The following ACYP2 variants were observed in gnomAD, a reference collection of about 807,000 sequenced individuals.
ACYP2 encodes acylphosphatase 2, also known as acylphosphatase-2.
ACYP2 carries 12 observed loss-of-function variants against 11.2 expected under a neutral mutation model. That is an observed-to-expected ratio of 1.08 (90% CI 0.69 to 1.74). The LOEUF (loss-of-function observed/expected upper bound fraction) is 1.74. ACYP2 is among the 40% of genes most tolerant of loss of function. The pLI, the probability that ACYP2 is intolerant of heterozygous loss-of-function variation, is 0.00. For synonymous variants in ACYP2, 43 were observed against 32.2 expected (o/e 1.33, Z -1.13); for missense variants, 134 against 101.9 (o/e 1.31, Z -1.35).
intron 6 of ACYP2, among the ~76,000 whole-genome samples, chr2:54,201,217 T>C (rs1164002388): frequency 1.3e-5 from 2 of 152,026 alleles, no homozygotes; most frequent in Non-Finnish European, 2.9e-5. Flanking sequence ...GCCATTCTCC[T>C]GCCTCAGCTT....
chr2:53,975,562 G>C (rs538178060), intron 2 of ACYP2, among the ~76,000 whole-genome samples: 5 of 152,114 alleles, frequency 3.3e-5, no homozygotes. Flanking sequence ...GCTGGGCTGG[G>C]TGGCTCACGC....
chr2:54,161,253 T>A (rs1230526969), intron 6 of ACYP2, among the ~76,000 whole-genome samples: 1 of 152,222 alleles, frequency 6.6e-6, no homozygotes, highest in Non-Finnish European at 1.5e-5. Flanking sequence ...AGCTTTTACA[T>A]GGCAACTAAA....
chr2:54,066,514 T>TA (rs1227274643), intron 4 of ACYP2, among the ~76,000 whole-genome samples: 1 of 152,120 alleles, frequency 6.6e-6, no homozygotes, highest in African/African-American at 2.4e-5. Context: ...GAAATTGAGG[T>TA]TCACATTTAG....
intron 6 of ACYP2, among the ~76,000 whole-genome samples, chr2:54,177,527 G>A (rs770666127): frequency 2.7e-5 from 4 of 148,208 alleles, no homozygotes; most frequent in African/African-American, 5.2e-5. Context: ...CAATCACTCC[G>A]TTTGAGTATG....
chr2:54,099,356 A>G (rs373557988), intron 4 of ACYP2, among the ~76,000 whole-genome samples: 6 of 152,198 alleles, frequency 3.9e-5, no homozygotes, highest in Admixed American at 6.5e-5. Flanking sequence ...TATAGTCACC[A>G]TGCTATACCG....
chr2:54,094,309 AC>A (rs1185587773), intron 4 of ACYP2, among the ~76,000 whole-genome samples: 6 of 148,548 alleles, frequency 4.0e-5, no homozygotes, highest in African/African-American at 1.2e-4. Context: ...CTCACTGCAA[AC>A]TTCGCCTCCC....
intron 6 of ACYP2, among the ~76,000 whole-genome samples, chr2:54,206,168 C>G (rs1451561311): frequency 1.3e-5 from 2 of 152,146 alleles, no homozygotes; most frequent in African/African-American, 4.8e-5. Flanking sequence ...CTGAAACTTT[C>G]CATATTTTTG....
chr2:54,014,209 G>T (rs1673554784), intron 2 of ACYP2, among the ~76,000 whole-genome samples: 1 of 152,218 alleles, frequency 6.6e-6, no homozygotes, highest in Non-Finnish European at 1.5e-5. Context: ...GGCAGGGCAG[G>T]TTGGGGAATG....
At chr2:54,033,400 A>G (rs1674698912) in intron 2 of ACYP2, among the ~76,000 whole-genome samples, 1 of 150,954 alleles carries the variant, frequency 6.6e-6, no homozygotes, top group African/African-American at 2.4e-5. Flanking sequence ...TTTGGTAGAG[A>G]CAGGGTCCCA....
chr2:54,271,253 A>C (rs1688285985), intron 6 of ACYP2, among the ~76,000 whole-genome samples: 1 of 152,198 alleles, frequency 6.6e-6, no homozygotes, highest in Non-Finnish European at 1.5e-5. Context: ...TTATGGGAGG[A>C]GCCTCAATTC....
chr2:54,292,423 T>C (rs901444937), intron 6 of ACYP2, among the ~76,000 whole-genome samples: 1 of 152,178 alleles, frequency 6.6e-6, no homozygotes, highest in East Asian at 1.9e-4. Context: ...AAAGATCTCA[T>C]TGATTTTATT....
intron 2 of ACYP2, among the ~76,000 whole-genome samples, chr2:53,994,954 G>A (rs1672497216): frequency 6.6e-6 from 1 of 152,150 alleles, no homozygotes; most frequent in Non-Finnish European, 1.5e-5. Flanking sequence ...ATTTGAGTTG[G>A]TATACCATGT....
chr2:54,119,698 G>A (rs942406844), intron 4 of ACYP2, among the ~76,000 whole-genome samples: 5 of 152,218 alleles, frequency 3.3e-5, no homozygotes, highest in African/African-American at 1.2e-4. Flanking sequence ...CAAAAATGAT[G>A]TGTTGTTAGT....
At chr2:54,256,085 C>G (rs1687511386) in intron 6 of ACYP2, 1 of 1,614,136 alleles carries the variant, frequency 6.2e-7, no homozygotes, top group Non-Finnish European at 8.5e-7. Flanking sequence ...GACCTCTGGC[C>G]CTGGTGCGGG....
intron 4 of ACYP2, among the ~76,000 whole-genome samples, chr2:54,057,856 C>G (rs1676240436): frequency 6.6e-6 from 1 of 152,066 alleles, no homozygotes; most frequent in South Asian, 2.1e-4. Context: ...GATTGAGTGG[C>G]TAAGGCAGAG....
chr2:54,167,531 A>T (rs1406337365), intron 6 of ACYP2, among the ~76,000 whole-genome samples: 1 of 152,216 alleles, frequency 6.6e-6, no homozygotes, highest in African/African-American at 2.4e-5. Flanking sequence ...TGTTATATAG[A>T]TACAGATTTT....
At chr2:54,126,597 C>CAAAA (rs34045950) in intron 4 of ACYP2, among the ~76,000 whole-genome samples, 25 of 109,626 alleles carry the variant, frequency 2.3e-4, no homozygotes, top group African/African-American at 7.8e-4. Context: ...GTCAAATTTG[C>CAAAA]AAAAAAAAAA....
intron 4 of ACYP2, among the ~76,000 whole-genome samples, chr2:54,129,930 TA>T (rs1680800855): frequency 6.7e-6 from 1 of 148,838 alleles, no homozygotes; most frequent in South Asian, 2.1e-4. Flanking sequence ...TAAAGATATA[TA>T]AAAATTTATA....
intron 6 of ACYP2, among the ~76,000 whole-genome samples, chr2:54,300,381 C>T (rs1689677126): frequency 6.6e-6 from 1 of 152,226 alleles, no homozygotes; most frequent in African/African-American, 2.4e-5. Context: ...TAGCCATCAG[C>T]CTTCTTCAGG....
Sources: gnomAD v4.1 joint callset for allele counts (sites outside exome capture counted in the v4.1 genomes callset) on GRCh38, gnomAD v4.1.1 for gene constraint, MANE v1.5 for transcripts, NCBI Gene and HGNC (gene_info 2026-07-23, HGNC 2026-07-21) for gene names.